The following CMC1 variants were observed in gnomAD, a reference collection of about 807,000 sequenced individuals.
CMC1 encodes the protein C-X9-C motif containing 1.
In CMC1, 14 loss-of-function variants were observed where a neutral mutation model predicts 14.1. That is an observed-to-expected ratio of 0.99 (90% CI 0.66 to 1.55). The LOEUF (loss-of-function observed/expected upper bound fraction) is 1.55. Ranked by LOEUF, CMC1 falls within the 40% of genes most tolerant of loss-of-function variation. The probability of loss-of-function intolerance (pLI) is 0.00; values close to 1 mark genes in which losing one functional copy is unlikely to be tolerated. For missense variants in CMC1, 127 were observed against 123.8 expected (o/e 1.03, Z -0.12); for synonymous variants, 50 against 38.4 (o/e 1.30, Z -1.12).
intron 3 of CMC1, chr3:28,318,748 C>A (rs1377858648): frequency 6.5e-6 from 1 of 153,538 alleles, no homozygotes; most frequent in East Asian, 1.9e-4. Flanking sequence ...CTTTGGCCTG[C>A]GCCTTCCATC....
At chr3:28,259,754 A>G (rs778013974) in intron 1 of CMC1, among the ~76,000 whole-genome samples, 5 of 152,138 alleles carry the variant, frequency 3.3e-5, no homozygotes, top group African/African-American at 4.8e-5. Flanking sequence ...GACATCTTAT[A>G]TATCTGTAGT....
intron 2 of CMC1, chr3:28,294,348 G>C (rs541817843): frequency 4.7e-6 from 1 of 213,920 alleles, no homozygotes; most frequent in Admixed American, 6.5e-5. Context: ...CTAAAGTTGC[G>C]AATTGTATTA....
intron 2 of CMC1, among the ~76,000 whole-genome samples, chr3:28,284,728 T>TTGTGTG (rs139621171): frequency 0.21 from 31,711 of 150,732 alleles, 3,883 homozygotes; most frequent in Non-Finnish European, 0.28. Context: ...GTTGTTAGAT[T>TTGTGTG]TCTGTGTGTG....
rs375365727 is a variant in CMC1 at position 28,256,063 on chromosome 3, A to G, written c.20-7228A>G. Among the ~76,000 whole-genome samples, 30 of 152,024 alleles carry G rather than the reference A, an allele frequency of 2.0e-4. 1 individual carries two copies. In the South Asian group the frequency reaches 4.1e-3, roughly 21 times the overall value. ...GTGTGTCTTACACATGCACACATAC[A>G]TACACCAAAACGCAAGCCCTGATAG... On this transcript the variant is annotated intron_variant, in intron 1 of 3. Transcript: ENST00000466830.
chr3:28,285,036 T>C (rs1701100769), intron 2 of CMC1, among the ~76,000 whole-genome samples: 1 of 152,230 alleles, frequency 6.6e-6, no homozygotes, highest in African/African-American at 2.4e-5. Context: ...GTTTCAGTTT[T>C]CATATATGGA....
chr3:28,297,785 G>A (rs1358513868), intron 2 of CMC1, among the ~76,000 whole-genome samples: 1 of 151,954 alleles, frequency 6.6e-6, no homozygotes, highest in African/African-American at 2.4e-5. Flanking sequence ...CCTACAAGAC[G>A]AACAATGATC....
chr3:28,322,669 C>G lies in CMC1; in HGVS notation c.*3040C>G, dbSNP rs1465958042. On this transcript the variant is annotated 3_prime_UTR_variant, in exon 4 of 4. Coordinates refer to ENST00000466830, the MANE Select transcript of CMC1 (RefSeq NM_182523.2). ...TTACTTGGCAGGAGATTGTACTCCC[C>G]TGAGTCAGCTGTGTTCATTGGTCAG... 3.3e-5 allele frequency: 5 copies of G among 151,166 alleles called. No individual in the cohort carries two copies. Among genetic ancestry groups the G allele is most frequent in the Non-Finnish European group, 5.9e-5 (4 of 67,264 alleles). 9.4% of individuals were successfully genotyped at this position (151,166 alleles called of 1,614,324 possible). A position where few individuals can be genotyped will look rare whatever the true frequency, so the allele number is the denominator to read the frequency against.
intron 1 of CMC1, among the ~76,000 whole-genome samples, chr3:28,252,074 T>A (rs184584934): frequency 5.3e-5 from 8 of 152,350 alleles, no homozygotes; most frequent in Admixed American, 1.3e-4. Flanking sequence ...TTGGCATGTC[T>A]TATTGCATAA....
At position 28,313,813 on chromosome 3, in the gene CMC1, A is replaced by G. The variant is rs143544333; in HGVS notation, c.110-2520A>G. ...TCTTAATGCAATGCCTAAGCATCCT[A>G]TTTATCTAAGTAAGTTAAAATATTG... On this transcript the variant is annotated intron_variant, in intron 2 of 3. Transcript: ENST00000466830. Among the ~76,000 whole-genome samples, 385 of 152,330 alleles carry G rather than the reference A, an allele frequency of 2.5e-3. 1 individual carries two copies. Among genetic ancestry groups the G allele is most frequent in the African/African-American group, 8.4e-3 (348 of 41,582 alleles).
rs564460290 is a variant in CMC1 at position 28,306,281 on chromosome 3, T to C, written c.110-10052T>C. Among the ~76,000 whole-genome samples, 20 of 152,328 alleles carry C rather than the reference T, an allele frequency of 1.3e-4. No homozygotes were observed. In the South Asian group the frequency reaches 4.1e-3, roughly 32 times the overall value. ...AATCTATAGATTGCTTTGTGCATTA[T>C]GGGCATTTTAATGACATTGACACTT... On this transcript the variant is annotated intron_variant, in intron 2 of 3. Transcript: ENST00000466830.
intron 2 of CMC1, among the ~76,000 whole-genome samples, chr3:28,298,834 G>T (rs1577070937): frequency 6.6e-6 from 1 of 151,544 alleles, no homozygotes; most frequent in Non-Finnish European, 1.5e-5. Context: ...AGTATGTTCT[G>T]TTTTTTTTCT....
intron 1 of CMC1, among the ~76,000 whole-genome samples, chr3:28,244,591 T>C (rs1201203887): frequency 1.3e-5 from 2 of 152,106 alleles, no homozygotes; most frequent in African/African-American, 4.8e-5. Context: ...TAGCCAGGCA[T>C]GGTGGCACAC....
intron 2 of CMC1, among the ~76,000 whole-genome samples, chr3:28,305,005 T>C (rs1413385374): frequency 6.6e-6 from 1 of 152,182 alleles, no homozygotes; most frequent in Non-Finnish European, 1.5e-5. Flanking sequence ...TATAATGCAG[T>C]GGTTTGGGCG....
chr3:28,318,478 G>C (rs1169569309), intron 3 of CMC1: 6 of 151,898 alleles, frequency 4.0e-5, no homozygotes, highest in Non-Finnish European at 7.4e-5. Flanking sequence ...GATTCCCCAA[G>C]TTCTCTTCTC....
At chr3:28,298,158 G>C (rs1387042412) in intron 2 of CMC1, 4 of 151,208 alleles carry the variant, frequency 2.6e-5, no homozygotes, top group Non-Finnish European at 1.5e-5. Flanking sequence ...TACTCTACAA[G>C]TCTTGGAGAG....
intron 1 of CMC1, among the ~76,000 whole-genome samples, chr3:28,251,236 A>G (rs1438341254): frequency 1.3e-5 from 2 of 152,190 alleles, no homozygotes; most frequent in Non-Finnish European, 2.9e-5. Context: ...TCAAAGGGGA[A>G]GCGGGCATGT....
intron 2 of CMC1, among the ~76,000 whole-genome samples, chr3:28,300,375 G>A (rs1701961988): frequency 6.6e-6 from 1 of 152,034 alleles, no homozygotes; most frequent in African/African-American, 2.4e-5. Context: ...AGCCATAATT[G>A]CAGAAACATT....
intron 2 of CMC1, among the ~76,000 whole-genome samples, chr3:28,306,233 G>A (rs907163613): frequency 3.3e-5 from 5 of 152,070 alleles, no homozygotes; most frequent in African/African-American, 9.7e-5. Context: ...AATGACATTG[G>A]TAATTTGATA....
In CMC1 at chr3:28,324,630, C is replaced by G. The variant is rs1273371833; in HGVS notation, c.*5001C>G. 5 of 485,878 alleles carry G rather than the reference C, an allele frequency of 1.0e-5. No homozygotes were observed. The highest frequency in any genetic ancestry group is 1.7e-5 in the Non-Finnish European group (5 of 298,576). The allele number at this position is 485,878 out of a possible 1,614,324, so 30.1% of individuals were successfully genotyped here. Reference sequence around the variant, plus strand: ...AATGACAGATGATCTGAGTTTTAATCCTGGATCAGCAATTTACTGTGACTT... The same window carrying G: ...AATGACAGATGATCTGAGTTTTAATGCTGGATCAGCAATTTACTGTGACTT... On this transcript the variant is annotated 3_prime_UTR_variant, in exon 4 of 4. Transcript: ENST00000466830.
Sources: allele counts gnomAD v4.1 joint callset (sites outside exome capture counted in the v4.1 genomes callset), GRCh38; gene constraint gnomAD v4.1.1; transcripts MANE v1.5; gene names NCBI Gene and HGNC (gene_info 2026-07-23, HGNC 2026-07-21).